Variants in MTA3 observed in about 807,000 individuals in gnomAD.
MTA3 encodes metastasis-associated protein MTA3.
MTA3 carries 34 observed loss-of-function variants against 83.5 expected under a neutral mutation model. The ratio of observed to expected loss-of-function variants is 0.41; its 90% confidence interval spans 0.31 to 0.54. The LOEUF (loss-of-function observed/expected upper bound fraction) is 0.54, where lower values mean the gene tolerates loss of function less well. Among genes scored for constraint, MTA3 ranks in the 20% least tolerant of loss-of-function variants. The probability of loss-of-function intolerance (pLI) is 0.33; values close to 1 mark genes in which losing one functional copy is unlikely to be tolerated. For missense variants in MTA3, 761 were observed against 726.4 expected, an observed-to-expected ratio of 1.05 and a Z score of -0.55; for synonymous variants, 303 against 252.7, an observed-to-expected ratio of 1.20 and a Z score of -1.89.
intron 2 of MTA3, among the ~76,000 whole-genome samples, chr2:42,540,195 A>G (rs997541713): frequency 7.5e-6 from 1 of 133,258 alleles, no homozygotes; most frequent in African/African-American, 2.9e-5. Flanking sequence ...TTTTTTGTAG[A>G]CAGGGTCTCA....
At chr2:42,632,255 TA>T (rs1686753198) in intron 4 of MTA3, among the ~76,000 whole-genome samples, 2 of 151,892 alleles carry the variant, frequency 1.3e-5, no homozygotes, top group Non-Finnish European at 1.5e-5. Context: ...CATGCCCGGC[TA>T]ATTTTTTGTA....
chr2:42,720,459 G>A (rs1243769093), intron 15 of MTA3, among the ~76,000 whole-genome samples: 2 of 152,106 alleles, frequency 1.3e-5, no homozygotes, highest in Non-Finnish European at 2.9e-5. Flanking sequence ...GGGATTACAG[G>A]CATGAGCCAC....
intron 2 of MTA3, among the ~76,000 whole-genome samples, chr2:42,546,107 G>A (rs947446326): frequency 2.6e-5 from 4 of 152,192 alleles, no homozygotes; most frequent in Non-Finnish European, 4.4e-5. Flanking sequence ...GGAAGGGAAG[G>A]AGGGAGGGAG....
intron 2 of MTA3, among the ~76,000 whole-genome samples, chr2:42,535,032 G>T (rs1486496076): frequency 6.6e-6 from 1 of 152,028 alleles, no homozygotes; most frequent in Non-Finnish European, 1.5e-5. Flanking sequence ...AGCTGTCATT[G>T]GCTTGTTATC....
intron 16 of MTA3, chr2:42,752,381 C>G (rs907273521): frequency 9.6e-6 from 4 of 415,764 alleles, no homozygotes; most frequent in African/African-American, 8.3e-5. Flanking sequence ...CATCTTATCC[C>G]TTCTCAGCAA....
intron 4 of MTA3, among the ~76,000 whole-genome samples, chr2:42,633,307 G>T (rs1686862638): frequency 6.6e-6 from 1 of 152,048 alleles, no homozygotes; most frequent in African/African-American, 2.4e-5. Context: ...TCCAGGGTCG[G>T]GTTTGATGGC....
At position 42,712,188 on chromosome 2, in the gene MTA3, A is replaced by T. The variant is rs973179363; in HGVS notation, c.1525+3092A>T. ...GTAAAAACAAAAAAGGTCTTTGCAG[A>T]TTCATAAAATATCTCAAAGAATATG... On this transcript the variant is annotated intron_variant, in intron 14 of 16. Coordinates refer to ENST00000405094, the MANE Select transcript of MTA3 (RefSeq NM_001330442.2). Among the ~76,000 whole-genome samples the T allele has an allele frequency of 8.5e-5, 13 of 152,316 alleles. No homozygotes were observed. In the Middle Eastern group the frequency reaches 0.01, roughly 120 times the overall value.
intron 2 of MTA3, among the ~76,000 whole-genome samples, chr2:42,577,978 T>A (rs1679236614): frequency 6.6e-6 from 1 of 152,210 alleles, no homozygotes. Flanking sequence ...ATGTATTTGA[T>A]CACAATATTA....
intron 9 of MTA3, among the ~76,000 whole-genome samples, chr2:42,684,840 A>G (rs559799309): frequency 6.6e-6 from 1 of 152,354 alleles, no homozygotes; most frequent in South Asian, 2.1e-4. Flanking sequence ...CAAAAATTGA[A>G]TGTGGTCCTT....
chr2:42,555,235 G>A (rs1355797238), intron 2 of MTA3, among the ~76,000 whole-genome samples: 2 of 151,458 alleles, frequency 1.3e-5, no homozygotes, highest in African/African-American at 2.4e-5. Flanking sequence ...AGGCCTAGGC[G>A]GTGGATTAAC....
intron 3 of MTA3, among the ~76,000 whole-genome samples, chr2:42,605,934 A>C (rs1573217473): frequency 2.5e-5 from 1 of 39,336 alleles, no homozygotes; most frequent in Non-Finnish European, 4.8e-5. Context: ...GGCGCCCCTC[A>C]CCTCCCCGAC....
intron 8 of MTA3, among the ~76,000 whole-genome samples, chr2:42,669,364 C>G (rs974919532): frequency 6.6e-6 from 1 of 152,096 alleles, no homozygotes; most frequent in African/African-American, 2.4e-5. Flanking sequence ...GGATTACAAG[C>G]GTGAGCCACT....
At chr2:42,530,389 A>G (rs1364762224) in intron 2 of MTA3, among the ~76,000 whole-genome samples, 1 of 152,066 alleles carries the variant, frequency 6.6e-6, no homozygotes, top group African/African-American at 2.4e-5. Context: ...TGGGAGGCTG[A>G]GGCTGGAGAA....
intron 2 of MTA3, 120 bp downstream of exon 2, chr2:42,570,624 C>A (rs1279713770): frequency 2.0e-6 from 1 of 503,336 alleles, no homozygotes; most frequent in Non-Finnish European, 3.4e-6. Context: ...AATTGGGAGG[C>A]CTGGCGAGTG....
intron 3 of MTA3, among the ~76,000 whole-genome samples, chr2:42,605,124 C>G (rs1178128626): frequency 6.7e-6 from 1 of 149,142 alleles, no homozygotes; most frequent in African/African-American, 2.5e-5. Context: ...GGGTGGTGGC[C>G]GGGCAGAGGG....
chr2:42,534,429 C>T (rs1473761763), intron 2 of MTA3, among the ~76,000 whole-genome samples: 3 of 152,114 alleles, frequency 2.0e-5, no homozygotes, highest in African/African-American at 4.8e-5. Flanking sequence ...AACCCCGTCT[C>T]TACTAAAAAT....
chr2:42,756,156 T>A lies in MTA3; in HGVS notation c.*2757T>A, dbSNP rs567231548. On this transcript the variant is annotated 3_prime_UTR_variant, in exon 17 of 17. Coordinates refer to ENST00000405094, the MANE Select transcript of MTA3 (RefSeq NM_001330442.2). The stretch of plus-strand genomic sequence containing the variant: ...CAACAACAGCAAGCCGCCCCCATCC[T>A]GAGACTGGCTGGGCACCAGGGGAGG... The A allele has an allele frequency of 2.7e-4, 107 of 401,944 alleles. No homozygotes were observed. The highest frequency in any genetic ancestry group is 2.2e-3 in the African/African-American group (102 of 46,248). 24.9% of individuals were successfully genotyped at this position (401,944 alleles called of 1,614,324 possible). A position where few individuals can be genotyped will look rare whatever the true frequency, so the allele number is the denominator to read the frequency against.
chr2:42,738,916 C>A (rs183515376), intron 16 of MTA3, among the ~76,000 whole-genome samples: 1 of 152,150 alleles, frequency 6.6e-6, no homozygotes, highest in South Asian at 2.1e-4. Flanking sequence ...TTGGTCAGAC[C>A]GGTTGATCTC....
chr2:42,643,584 A>G (rs1428410868), intron 5 of MTA3, among the ~76,000 whole-genome samples: 1 of 152,236 alleles, frequency 6.6e-6, no homozygotes, highest in Non-Finnish European at 1.5e-5. Context: ...TAGTTAATAC[A>G]TGTTTAATTA....
Sources: allele counts gnomAD v4.1 joint callset (sites outside exome capture counted in the v4.1 genomes callset), GRCh38; gene constraint gnomAD v4.1.1; transcripts MANE v1.5; gene names NCBI Gene and HGNC (gene_info 2026-07-23, HGNC 2026-07-21).